Variants in CDH7 observed in about 807,000 individuals in gnomAD.
CDH7 encodes the protein cadherin 7.
CDH7 carries 25 observed loss-of-function variants against 71.8 expected under a neutral mutation model. The observed-to-expected ratio is 0.35, with a 90% confidence interval of 0.25 to 0.49. The LOEUF (loss-of-function observed/expected upper bound fraction) is 0.49. Ranked by LOEUF, CDH7 falls within the 20% of genes least tolerant of loss-of-function variation. The pLI is 0.99. For missense variants in CDH7, 862 were observed against 974.6 expected, an observed-to-expected ratio of 0.88 and a Z score of 1.54; for synonymous variants, 381 against 363.8, an observed-to-expected ratio of 1.05 and a Z score of -0.54.
At chr18:65,830,595 TC>T (rs561653032) in intron 6 of CDH7, among the ~76,000 whole-genome samples, 19 of 84,966 alleles carry the variant, frequency 2.2e-4, no homozygotes, top group Non-Finnish European at 4.7e-4. Flanking sequence ...TCTCCTTCCC[TC>T]CCCCCTTCCC....
intron 11 of CDH7, chr18:65,863,519 C>G (rs1913653134): frequency 6.4e-6 from 1 of 156,686 alleles, no homozygotes; most frequent in Non-Finnish European, 1.4e-5. Flanking sequence ...TATCCCAGTT[C>G]TTTGCTTTAG....
At chr18:65,871,494 G>T (rs1913925123) in intron 11 of CDH7, among the ~76,000 whole-genome samples, 1 of 152,126 alleles carries the variant, frequency 6.6e-6, no homozygotes, top group South Asian at 2.1e-4. Context: ...CTGAGGGACG[G>T]GACTTGAGGC....
chr18:65,766,710 G>T (rs1327102514), intron 2 of CDH7, among the ~76,000 whole-genome samples: 1 of 151,678 alleles, frequency 6.6e-6, no homozygotes, highest in Non-Finnish European at 1.5e-5. Flanking sequence ...GGAGAAGGAA[G>T]GGGGGAGGAT....
At chr18:65,829,866 C>A (rs540975532) in intron 6 of CDH7, among the ~76,000 whole-genome samples, 3 of 149,266 alleles carry the variant, frequency 2.0e-5, no homozygotes, top group Non-Finnish European at 4.4e-5. Flanking sequence ...TGTCCCAGTT[C>A]CATAAATATT....
At chr18:65,820,982 C>A (rs1417561140) in intron 4 of CDH7, among the ~76,000 whole-genome samples, 1 of 152,032 alleles carries the variant, frequency 6.6e-6, no homozygotes, top group African/African-American at 2.4e-5. Flanking sequence ...ATAATTGGGA[C>A]TTCTTTTCTA....
At chr18:65,825,539 C>A (rs961347425) in intron 6 of CDH7, among the ~76,000 whole-genome samples, 1 of 151,680 alleles carries the variant, frequency 6.6e-6, no homozygotes, top group African/African-American at 2.4e-5. Flanking sequence ...AATAATAACT[C>A]AAAAGCTATT....
chr18:65,827,414 A>G (rs1428452939), intron 6 of CDH7, among the ~76,000 whole-genome samples: 1 of 151,888 alleles, frequency 6.6e-6, no homozygotes, highest in African/African-American at 2.4e-5. Context: ...ATTCTTGTTC[A>G]TCCTGAATTA....
intron 3 of CDH7, among the ~76,000 whole-genome samples, chr18:65,812,719 T>C (rs1911587420): frequency 6.6e-6 from 1 of 152,214 alleles, no homozygotes; most frequent in African/African-American, 2.4e-5. Context: ...TGTGTCTATA[T>C]GTGTTAAATG....
Position 65,887,738 on chromosome 18 carries a change from C to G in CDH7, c.*6844C>G, listed in dbSNP as rs1342831909. 1 of 152,034 alleles carries G rather than the reference C, an allele frequency of 6.6e-6. No homozygotes were observed. The highest frequency in any genetic ancestry group is 1.5e-5 in the Non-Finnish European group (1 of 68,018). 9.4% of individuals were successfully genotyped at this position (152,034 alleles called of 1,614,324 possible). A position where few individuals can be genotyped will look rare whatever the true frequency, so the allele number is the denominator to read the frequency against. On this transcript the variant is annotated 3_prime_UTR_variant, in exon 12 of 12. Transcript: ENST00000397968. ...TTAAGATGTCTATTAGATCCAACCTCTACAATTAAATTATATGAGCATACT... is the reference window on the plus strand; with the variant it reads ...TTAAGATGTCTATTAGATCCAACCTGTACAATTAAATTATATGAGCATACT...
chr18:65,833,231 G>A (rs1276162757), intron 6 of CDH7, among the ~76,000 whole-genome samples: 1 of 152,166 alleles, frequency 6.6e-6, no homozygotes, highest in African/African-American at 2.4e-5. Flanking sequence ...CTGCACAGAT[G>A]TGGACTACCT....
chr18:65,887,886 A>G lies in CDH7; in HGVS notation c.*6992A>G, dbSNP rs1369809383. On this transcript the variant is annotated 3_prime_UTR_variant, in exon 12 of 12. Transcript: ENST00000397968. ...ACACAGCATTACTTTCAATGAAACT[A>G]TAATTTTTATGTTTATGAGATTCCA... 5 of 152,290 alleles carry G rather than the reference A, an allele frequency of 3.3e-5. No individual in the cohort carries two copies. The highest frequency in any genetic ancestry group is 1.2e-4 in the African/African-American group (5 of 41,588). 9.4% of individuals were successfully genotyped at this position (152,290 alleles called of 1,614,324 possible). A position where few individuals can be genotyped will look rare whatever the true frequency, so the allele number is the denominator to read the frequency against.
intron 4 of CDH7, among the ~76,000 whole-genome samples, chr18:65,818,780 A>C (rs533004375): frequency 1.1e-4 from 17 of 152,338 alleles, no homozygotes; most frequent in African/African-American, 3.8e-4. Flanking sequence ...ATGATATCCA[A>C]TTAGTTCTTT....
At chr18:65,792,838 T>A (rs1199814153) in intron 2 of CDH7, among the ~76,000 whole-genome samples, 1 of 152,158 alleles carries the variant, frequency 6.6e-6, no homozygotes, top group African/African-American at 2.4e-5. Context: ...TGTAACATTT[T>A]AAAAATCATT....
intron 2 of CDH7, among the ~76,000 whole-genome samples, chr18:65,766,277 T>G (rs370632076): frequency 6.6e-6 from 1 of 152,154 alleles, no homozygotes. Context: ...TAATGGCAGG[T>G]GACCAGCAAG....
chr18:65,886,028 A>G lies in CDH7; in HGVS notation c.*5134A>G, dbSNP rs1914367328. The G allele has an allele frequency of 6.6e-6, 1 of 152,176 alleles. No homozygotes were observed. The highest frequency in any genetic ancestry group is 2.4e-5 in the African/African-American group (1 of 41,446). The allele number at this position is 152,176 out of a possible 1,614,324, so 9.4% of individuals were successfully genotyped here. A position where few individuals can be genotyped will look rare whatever the true frequency, so the allele number is the denominator to read the frequency against. On this transcript the variant is annotated 3_prime_UTR_variant, in exon 12 of 12. Coordinates refer to ENST00000397968, the MANE Select transcript of CDH7 (RefSeq NM_004361.5). ...CTTTGGTGTCAGTGTGGTATACCAGAAATTACCTCTGGTCTGTGGTTATAA... is the reference window on the plus strand; with the variant it reads ...CTTTGGTGTCAGTGTGGTATACCAGGAATTACCTCTGGTCTGTGGTTATAA...
At chr18:65,831,900 T>C (rs994873013) in intron 6 of CDH7, among the ~76,000 whole-genome samples, 1 of 152,092 alleles carries the variant, frequency 6.6e-6, no homozygotes, top group Non-Finnish European at 1.5e-5. Context: ...CTATGGACAG[T>C]CCACCAAAAC....
chr18:65,875,638 AC>A (rs1373005823), intron 11 of CDH7, among the ~76,000 whole-genome samples: 2 of 152,192 alleles, frequency 1.3e-5, no homozygotes, highest in African/African-American at 4.8e-5. Context: ...TGTAATGCTA[AC>A]GCTTTGGAAG....
At chr18:65,828,837 G>C (rs1422107401) in intron 6 of CDH7, among the ~76,000 whole-genome samples, 1 of 152,030 alleles carries the variant, frequency 6.6e-6, no homozygotes, top group African/African-American at 2.4e-5. Flanking sequence ...CTCTTACCCT[G>C]TACTTGGTTC....
intron 2 of CDH7, among the ~76,000 whole-genome samples, chr18:65,771,362 G>A (rs188597267): frequency 6.6e-5 from 10 of 152,092 alleles, no homozygotes; most frequent in South Asian, 2.1e-4. Context: ...TATTAGAGCC[G>A]TAAACAGTGG....
Sources: allele counts gnomAD v4.1 joint callset (sites outside exome capture counted in the v4.1 genomes callset), GRCh38; gene constraint gnomAD v4.1.1; transcripts MANE v1.5; gene names NCBI Gene and HGNC (gene_info 2026-07-23, HGNC 2026-07-21).